GHR: variants seen among roughly 807,000 people sequenced by gnomAD.
The protein encoded by GHR is GH receptor.
In GHR, 35 loss-of-function variants were observed where a neutral mutation model predicts 67.1. The ratio of observed to expected loss-of-function variants is 0.52; its 90% CI spans 0.40 to 0.69. The LOEUF (loss-of-function observed/expected upper bound fraction) is 0.69. Ranked by LOEUF, GHR falls within the 30% of genes least tolerant of loss-of-function variation. GHR has a pLI of 0.00. For synonymous variants in GHR, 272 were observed against 269.1 expected, an observed-to-expected ratio of 1.01 and a Z score of -0.10; for missense variants, 792 against 764.6, an observed-to-expected ratio of 1.04 and a Z score of -0.42.
At chr5:42,700,992 A>G (rs1375992483) in intron 6 of GHR, among the ~76,000 whole-genome samples, 2 of 152,150 alleles carry the variant, frequency 1.3e-5, no homozygotes, top group African/African-American at 4.8e-5. Flanking sequence ...CCAAGCTACA[A>G]TCAAACATTA....
chr5:42,684,323 C>T (rs769872307), intron 3 of GHR, among the ~76,000 whole-genome samples: 1 of 152,208 alleles, frequency 6.6e-6, no homozygotes, highest in Non-Finnish European at 1.5e-5. Context: ...GAGTACACAT[C>T]TCTCAATTTC....
intron 2 of GHR, among the ~76,000 whole-genome samples, chr5:42,579,225 T>A (rs1751029967): frequency 6.6e-6 from 1 of 152,006 alleles, no homozygotes; most frequent in Non-Finnish European, 1.5e-5. Flanking sequence ...TAATTCTGCC[T>A]AAGTAATTAT....
At chr5:42,670,012 A>G (rs904812234) in intron 3 of GHR, among the ~76,000 whole-genome samples, 1 of 152,224 alleles carries the variant, frequency 6.6e-6, no homozygotes, top group Non-Finnish European at 1.5e-5. Flanking sequence ...TTATAGCAGT[A>G]GAAAAAAATC....
chr5:42,548,583 GTT>G (rs145515691), intron 1 of GHR: 1 of 722,070 alleles, frequency 1.4e-6, no homozygotes, highest in South Asian at 6.3e-5. Context: ...GATAGTCAGG[GTT>G]TTTTTTTTCT....
At chr5:42,649,191 T>A (rs879398537) in intron 3 of GHR, among the ~76,000 whole-genome samples, 1 of 152,218 alleles carries the variant, frequency 6.6e-6, no homozygotes, top group Non-Finnish European at 1.5e-5. Flanking sequence ...TACTACCTAC[T>A]TTATAAGCTC....
chr5:42,426,145 C>T (rs879822917), intron 1 of GHR, among the ~76,000 whole-genome samples: 16 of 152,254 alleles, frequency 1.1e-4, no homozygotes, highest in South Asian at 4.1e-4. Context: ...TGCTTGGTAA[C>T]CTATGGGATT....
At position 42,423,439 on chromosome 5, in the gene GHR, A is replaced by G. The variant is rs954804191; in HGVS notation, c.-528A>G. 2.0e-5 allele frequency among the ~76,000 whole-genome samples: 3 copies of G among 152,202 alleles called. No homozygotes were observed. The highest frequency in any genetic ancestry group is 4.8e-5 in the African/African-American group (2 of 41,450). ...TCCTCTAGGAGGAGCCGCGCAGCTC[A>G]GTTGAGAGTGACACGCACCAACTCC... On this transcript the variant is annotated 5_prime_UTR_variant, in exon 1 of 10. Coordinates refer to ENST00000230882, the MANE Select transcript of GHR (RefSeq NM_000163.5).
chr5:42,705,802 C>G (rs892532335), intron 6 of GHR, among the ~76,000 whole-genome samples: 1 of 151,888 alleles, frequency 6.6e-6, no homozygotes. Context: ...ATCCAGTGTA[C>G]CATTTTCTTT....
intron 2 of GHR, among the ~76,000 whole-genome samples, chr5:42,569,754 C>T (rs116381376): frequency 1.7e-3 from 263 of 151,864 alleles, no homozygotes; most frequent in African/African-American, 6.0e-3. Context: ...TATATATGTA[C>T]ACTATATGTA....
intron 1 of GHR, among the ~76,000 whole-genome samples, chr5:42,503,519 G>A (rs1746628614): frequency 1.3e-5 from 2 of 152,180 alleles, no homozygotes; most frequent in African/African-American, 4.8e-5. Flanking sequence ...ATGAAGAATG[G>A]CTTTGAAGAC....
chr5:42,640,938 G>T (rs929904505), intron 3 of GHR, among the ~76,000 whole-genome samples: 1 of 152,120 alleles, frequency 6.6e-6, no homozygotes, highest in Non-Finnish European at 1.5e-5. Context: ...AGCAGGTAGG[G>T]CTGAGAGGCT....
At chr5:42,483,022 T>G (rs542886020) in intron 1 of GHR, among the ~76,000 whole-genome samples, 7 of 151,982 alleles carry the variant, frequency 4.6e-5, no homozygotes, top group African/African-American at 1.7e-4. Flanking sequence ...CCATCTTGGC[T>G]CCTCCCCCAG....
At chr5:42,474,285 A>AAAAAAG (rs1745157191) in intron 1 of GHR, among the ~76,000 whole-genome samples, 2 of 28,102 alleles carry the variant, frequency 7.1e-5, no homozygotes, top group Non-Finnish European at 1.5e-4. Flanking sequence ...GAAAGAAAGA[A>AAAAAAG]AAAGAGAAAG....
intron 3 of GHR, among the ~76,000 whole-genome samples, chr5:42,635,724 G>GTT (rs989818033): frequency 1.2e-4 from 18 of 152,092 alleles, no homozygotes; most frequent in Non-Finnish European, 2.5e-4. Flanking sequence ...TTACCACTTA[G>GTT]TTTACAAGAG....
Position 42,474,316 on chromosome 5 carries a change from A to AGAAAGAAAGAAAGAAG in GHR, c.-12+50376_-12+50377insGGAAAGAAAGAAAGAA, listed in dbSNP as rs1745180114. ...GAAAGAGAAAGAAAGAAAGAAAGAAAGAAAGAAAGAAAGAAAGAAAGAAAA... is the reference window on the plus strand; with the variant it reads ...GAAAGAGAAAGAAAGAAAGAAAGAAAGAAAGAAAGAAAGAAGGAAAGAAAGAAAGAAAGAAAGAAAA... On this transcript the variant is annotated intron_variant, in intron 1 of 9. Transcript: ENST00000230882. 2.1e-5 allele frequency among the ~76,000 whole-genome samples: 3 copies of AGAAAGAAAGAAAGAAG among 145,786 alleles called. No individual in the cohort carries two copies. The South Asian group carries it at 6.7e-4, about 33-fold the overall frequency.
At chr5:42,446,321 A>C (rs1392090935) in intron 1 of GHR, among the ~76,000 whole-genome samples, 1 of 152,226 alleles carries the variant, frequency 6.6e-6, no homozygotes, top group Non-Finnish European at 1.5e-5. Context: ...GCCAACAGGC[A>C]GAGAAAAAAT....
intron 3 of GHR, among the ~76,000 whole-genome samples, chr5:42,635,992 C>T (rs1037805102): frequency 2.8e-4 from 42 of 151,822 alleles, no homozygotes; most frequent in Admixed American, 8.5e-4. Flanking sequence ...GGGCGGATCA[C>T]GAGGTCAGGA....
chr5:42,566,553 A>G, intron 2 of GHR, among the ~76,000 whole-genome samples: 1 of 152,174 alleles, frequency 6.6e-6, no homozygotes, highest in Non-Finnish European at 1.5e-5. Context: ...AGAAGTCTCA[A>G]TATGTTTAAA....
chr5:42,687,710 T>C (rs1757227648), intron 3 of GHR, among the ~76,000 whole-genome samples: 1 of 151,378 alleles, frequency 6.6e-6, no homozygotes, highest in Non-Finnish European at 1.5e-5. Flanking sequence ...ATTTGCTTCA[T>C]ATTATTTATT....
Sources: allele counts gnomAD v4.1 joint callset (sites outside exome capture counted in the v4.1 genomes callset), GRCh38; gene constraint gnomAD v4.1.1; transcripts MANE v1.5; gene names NCBI Gene and HGNC (gene_info 2026-07-23, HGNC 2026-07-21).